RARB: variants seen among roughly 807,000 people sequenced by gnomAD.
The protein encoded by RARB is HBV-activated protein.
RARB carries 17 observed loss-of-function variants against 51.9 expected under a neutral mutation model. That is an observed-to-expected ratio of 0.33 (90% CI 0.22 to 0.49). RARB has a LOEUF of 0.49. Among genes scored for constraint, RARB ranks in the 20% least tolerant of loss-of-function variants. The probability of loss-of-function intolerance (pLI) is 0.99; values close to 1 mark genes in which losing one functional copy is unlikely to be tolerated. For missense variants in RARB, 369 were observed against 550.8 expected, an observed-to-expected ratio of 0.67 and a Z score of 3.30; for synonymous variants, 215 against 195.4, an observed-to-expected ratio of 1.10 and a Z score of -0.84.
intron 3 of RARB, among the ~76,000 whole-genome samples, chr3:25,126,717 A>G (rs1054078782): frequency 5.9e-5 from 9 of 152,166 alleles, no homozygotes; most frequent in Admixed American, 5.9e-4. Context: ...AAAGCAAACT[A>G]CATCACTGAT....
chr3:24,891,280 G>A (rs773265656), intron 2 of RARB, among the ~76,000 whole-genome samples: 24 of 152,116 alleles, frequency 1.6e-4, no homozygotes, highest in Admixed American at 3.3e-4. Context: ...GCTAGAGGTA[G>A]TATATGCTCT....
intron 3 of RARB, among the ~76,000 whole-genome samples, chr3:25,558,912 C>G (rs1442227783): frequency 6.6e-6 from 1 of 152,074 alleles, no homozygotes; most frequent in Non-Finnish European, 1.5e-5. Flanking sequence ...TTCACTATAT[C>G]TCCCCACTTC....
At chr3:24,952,312 C>T (rs1695912118) in intron 2 of RARB, among the ~76,000 whole-genome samples, 1 of 151,942 alleles carries the variant, frequency 6.6e-6, no homozygotes, top group Admixed American at 6.5e-5. Context: ...CAAATATTTT[C>T]TTTTTATATT....
intron 2 of RARB, among the ~76,000 whole-genome samples, chr3:24,885,424 G>T (rs527879793): frequency 6.6e-6 from 1 of 152,278 alleles, no homozygotes; most frequent in Non-Finnish European, 1.5e-5. Context: ...GAGTTTTAAT[G>T]TTGCTGTAAA....
chr3:25,174,482 T>C (rs1347027783), exon 5 of RARB: 1 of 1,352,148 alleles, frequency 7.4e-7, no homozygotes, highest in South Asian at 1.1e-5. Context: ...CCCGTTACTC[T>C]TTCCACCTGT....
intron 3 of RARB, among the ~76,000 whole-genome samples, chr3:25,090,220 A>C (rs1699172440): frequency 6.6e-6 from 1 of 152,160 alleles, no homozygotes; most frequent in Non-Finnish European, 1.5e-5. Context: ...ACTTCATTCA[A>C]AATAAACCCT....
chr3:24,851,429 A>AC (rs1313653377), intron 1 of RARB, among the ~76,000 whole-genome samples: 26 of 144,234 alleles, frequency 1.8e-4, no homozygotes, highest in Non-Finnish European at 3.4e-4. Flanking sequence ...CTTTGTCTCA[A>AC]AAAAAAAAAA....
intron 3 of RARB, among the ~76,000 whole-genome samples, chr3:25,562,235 C>CT (rs11320244): frequency 2.0e-3 from 291 of 148,142 alleles, no homozygotes; most frequent in Middle Eastern, 3.5e-3. Flanking sequence ...GATACTAAGC[C>CT]TTTTTTTTTT....
intron 2 of RARB, among the ~76,000 whole-genome samples, chr3:25,014,328 T>G (rs1697462279): frequency 6.6e-6 from 1 of 152,078 alleles, no homozygotes. Context: ...TCAAGAGTCT[T>G]GGAAGCTCCT....
In RARB at chr3:25,355,240, T is replaced by C. The variant is rs140188481; in HGVS notation, c.179-105953T>C. Among the ~76,000 whole-genome samples the C allele has an allele frequency of 2.1e-3, 313 of 152,218 alleles. 1 individual carries two copies. The highest frequency in any genetic ancestry group is 7.4e-3 in the African/African-American group (306 of 41,534). The stretch of plus-strand genomic sequence containing the variant: ...GGGGACATCCTGTCAGAATCAAGCA[T>C]GAGAAGCCTGATTGCCACCATCGGG... On this transcript the variant is annotated intron_variant, in intron 5 of 11. Coordinates refer to the RARB transcript ENST00000383772.
At chr3:25,456,664 T>A (rs1047442225) in intron 1 of RARB, among the ~76,000 whole-genome samples, 4 of 85,888 alleles carry the variant, frequency 4.7e-5, no homozygotes, top group Non-Finnish European at 9.0e-5. Context: ...TATTTGAATA[T>A]ATATATATAT....
intron 4 of RARB, among the ~76,000 whole-genome samples, chr3:25,136,496 C>T (rs900210475): frequency 6.6e-6 from 1 of 151,916 alleles, no homozygotes; most frequent in South Asian, 2.1e-4. Context: ...ACCCATACAG[C>T]ATGCTAGAGT....
At chr3:24,866,617 G>A (rs1053934128) in intron 2 of RARB, among the ~76,000 whole-genome samples, 1 of 152,050 alleles carries the variant, frequency 6.6e-6, no homozygotes. Flanking sequence ...CCGGCCGAGG[G>A]GCTTCCAGGT....
At chr3:25,178,958 T>C (rs935552660) in intron 5 of RARB, among the ~76,000 whole-genome samples, 1 of 152,184 alleles carries the variant, frequency 6.6e-6, no homozygotes, top group Non-Finnish European at 1.5e-5. Context: ...AGCTGGAAAA[T>C]ATTGTTAAGT....
chr3:25,400,764 T>G (rs1200114892), intron 5 of RARB, among the ~76,000 whole-genome samples: 1 of 152,162 alleles, frequency 6.6e-6, no homozygotes, highest in African/African-American at 2.4e-5. Flanking sequence ...GGATTTTGCC[T>G]TCGCAAAAAC....
intron 5 of RARB, among the ~76,000 whole-genome samples, chr3:25,175,157 A>G (rs1443853415): frequency 6.6e-6 from 1 of 152,244 alleles, no homozygotes; most frequent in Non-Finnish European, 1.5e-5. Flanking sequence ...ATAAGGTACT[A>G]TAAAATAAAA....
chr3:24,988,058 A>G (rs757766099), intron 2 of RARB, among the ~76,000 whole-genome samples: 3 of 152,134 alleles, frequency 2.0e-5, no homozygotes, highest in Non-Finnish European at 4.4e-5. Context: ...TAGAATGAAC[A>G]CATGGTTGAA....
chr3:25,512,715 C>CA (rs761926705), intron 3 of RARB, among the ~76,000 whole-genome samples: 2 of 152,218 alleles, frequency 1.3e-5, no homozygotes, highest in Non-Finnish European at 2.9e-5. Flanking sequence ...TTTCTAACAG[C>CA]AAGGAGTGTG....
At chr3:24,991,113 T>C (rs1464151080) in intron 2 of RARB, among the ~76,000 whole-genome samples, 2 of 152,232 alleles carry the variant, frequency 1.3e-5, no homozygotes, top group Non-Finnish European at 2.9e-5. Flanking sequence ...CAATATTTTG[T>C]TTTGAATTTT....
Sources: gnomAD v4.1 joint callset for allele counts (sites outside exome capture counted in the v4.1 genomes callset) on GRCh38, gnomAD v4.1.1 for gene constraint, MANE v1.5 for transcripts, NCBI Gene and HGNC (gene_info 2026-07-23, HGNC 2026-07-21) for gene names.